Variants in MAP2K5 observed in about 807,000 individuals in gnomAD.
The protein encoded by MAP2K5 is dual specificity mitogen-activated protein kinase kinase 5.
A neutral mutation model predicts 83.1 loss-of-function variants in MAP2K5; 49 were observed. That is an observed-to-expected ratio of 0.59 (90% CI 0.47 to 0.75). The LOEUF is 0.75. MAP2K5 is among the 30% of genes least tolerant of loss of function. MAP2K5 has a pLI of 0.00. For synonymous variants in MAP2K5, 202 were observed against 191.8 expected, an observed-to-expected ratio of 1.05 and a Z score of -0.44; for missense variants, 457 against 557.5, an observed-to-expected ratio of 0.82 and a Z score of 1.82.
Position 67,561,199 on chromosome 15 carries a change from A to G in MAP2K5, c.185-2084A>G, listed in dbSNP as rs2084729563. On this transcript the variant is annotated intron_variant, in intron 2 of 21. Coordinates refer to ENST00000178640, the MANE Select transcript of MAP2K5 (RefSeq NM_145160.3). This position sits in a 1 kb window ranked among gnomAD's most constrained non-coding sequence, Gnocchi z 4.2. Reference sequence around the variant, plus strand: ...TTTAAAGAGAATTTGACCTGGTTTTAAAGCAAAAATGTAAAGTGCTTTCAT... The same window carrying G: ...TTTAAAGAGAATTTGACCTGGTTTTGAAGCAAAAATGTAAAGTGCTTTCAT... Among the ~76,000 whole-genome samples, 1 of 152,232 alleles carries G rather than the reference A, an allele frequency of 6.6e-6. No homozygotes were observed. The highest frequency in any genetic ancestry group is 2.1e-4 in the South Asian group (1 of 4,834).
At chr15:67,726,472 G>A (rs1034427981) in intron 16 of MAP2K5, among the ~76,000 whole-genome samples, 5 of 152,120 alleles carry the variant, frequency 3.3e-5, no homozygotes, top group African/African-American at 7.2e-5. Flanking sequence ...TCCAAGATAA[G>A]GTGCATACTA....
In MAP2K5 at chr15:67,543,353, T is replaced by A; in HGVS notation, c.18T>A (p.Leu6=). The stretch of plus-strand genomic sequence containing the variant: ...AACCTGTAATGCTGTGGCTAGCCCT[T>A]GGCCCCTTTCCTGCCATGGAGAACC... The part of the protein sequence containing the change: MLWLA[L]GPFPAMENQV... The change falls in exon 1 of 22, where the codon CTT becomes CTA. Residue 6 remains leucine (L), a synonymous_variant. Transcript: ENST00000178640. This position sits in a 1 kb window ranked among gnomAD's most constrained non-coding sequence, Gnocchi z 4.3. The A allele has an allele frequency of 6.2e-7, 1 of 1,614,178 alleles. No homozygotes were observed. The highest frequency in any genetic ancestry group is 1.1e-5 in the South Asian group (1 of 91,088).
At chr15:67,641,799 A>G (rs1457840860) in intron 9 of MAP2K5, 1 of 176,888 alleles carries the variant, frequency 5.7e-6, no homozygotes, top group Admixed American at 6.5e-5. Flanking sequence ...GACTCCAAAA[A>G]GAAAATTAGT....
intron 13 of MAP2K5, among the ~76,000 whole-genome samples, chr15:67,686,594 C>T (rs1364651990): frequency 3.4e-5 from 5 of 146,168 alleles, no homozygotes; most frequent in Non-Finnish European, 6.0e-5. Context: ...CAGAGTGAGA[C>T]TGTGTCTCAA....
Position 67,772,694 on chromosome 15 carries a change from C to A in MAP2K5, c.1197-13C>A. 6.5e-7 allele frequency: 1 copy of A among 1,539,486 alleles called. No homozygotes were observed. The highest frequency in any genetic ancestry group is 1.3e-5 in the South Asian group (1 of 77,580). On this transcript the variant is annotated splice_polypyrimidine_tract_variant and intron_variant, in intron 20 of 21. Coordinates refer to ENST00000178640, the MANE Select transcript of MAP2K5 (RefSeq NM_145160.3). The stretch of plus-strand genomic sequence containing the variant: ...CACAGATAACATAAGGGGTTTTTTT[C>A]TCTCCACTATAGTATGCGAAAACAG...
Position 67,747,906 on chromosome 15 carries a change from G to A in MAP2K5, c.1075-325G>A, listed in dbSNP as rs1351892436. On this transcript the variant is annotated intron_variant, in intron 17 of 21. Transcript: ENST00000178640. This position sits in a 1 kb window ranked among gnomAD's most constrained non-coding sequence, Gnocchi z 4.1. ...ACATTAGCAATGATTGCAACATTAAGCCCAGTGTTCACAATCTAGCAATAT... is the reference window on the plus strand; with the variant it reads ...ACATTAGCAATGATTGCAACATTAAACCCAGTGTTCACAATCTAGCAATAT... Among the ~76,000 whole-genome samples the A allele has an allele frequency of 1.3e-5, 2 of 152,150 alleles. No individual in the cohort carries two copies. The highest frequency in any genetic ancestry group is 4.8e-5 in the African/African-American group (2 of 41,432).
chr15:67,799,325 C>G (rs138584859), intron 21 of MAP2K5, among the ~76,000 whole-genome samples: 6 of 152,382 alleles, frequency 3.9e-5, no homozygotes, highest in East Asian at 1.9e-4. Flanking sequence ...AGCACCTCCT[C>G]TCACCCCTGT....
chr15:67,580,420 A>G (rs1406871338), intron 3 of MAP2K5, among the ~76,000 whole-genome samples: 3 of 152,218 alleles, frequency 2.0e-5, no homozygotes, highest in African/African-American at 7.2e-5. Context: ...ATCCAGGGAA[A>G]AAGAGCAAGA....
chr15:67,633,244 A>G (rs1265407547), intron 9 of MAP2K5, among the ~76,000 whole-genome samples: 2 of 152,060 alleles, frequency 1.3e-5, no homozygotes, highest in Admixed American at 1.3e-4. Context: ...CTTGAGCACT[A>G]TTTTCCCATC....
chr15:67,632,770 T>C (rs1379484212), intron 9 of MAP2K5, among the ~76,000 whole-genome samples: 1 of 152,212 alleles, frequency 6.6e-6, no homozygotes. Context: ...GCAATTACAT[T>C]AGAATTGCTT....
At chr15:67,560,954 C>T (rs906394150) in intron 2 of MAP2K5, among the ~76,000 whole-genome samples, 4 of 152,018 alleles carry the variant, frequency 2.6e-5, no homozygotes, top group African/African-American at 9.7e-5. Context: ...ACTCGTTTTA[C>T]CAAAATATAA....
intron 13 of MAP2K5, among the ~76,000 whole-genome samples, chr15:67,691,222 T>C (rs1189827773): frequency 3.9e-5 from 6 of 152,118 alleles, no homozygotes; most frequent in Admixed American, 6.6e-5. Flanking sequence ...GGGCTGGGAG[T>C]ACAGTAGTCA....
chr15:67,692,441 T>C (rs1281798971), intron 13 of MAP2K5, 38 bp from the exon 14 acceptor site: 3 of 1,452,222 alleles, frequency 2.1e-6, no homozygotes. Context: ...TGTAGATACA[T>C]GGAATTAGTT....
At chr15:67,765,143 G>A (rs1009936360) in intron 19 of MAP2K5, among the ~76,000 whole-genome samples, 4 of 152,300 alleles carry the variant, frequency 2.6e-5, no homozygotes, top group South Asian at 2.1e-4. Flanking sequence ...AGTGGATCAC[G>A]AGGTCAAGAG....
At chr15:67,655,839 C>G (rs534580920) in intron 11 of MAP2K5, among the ~76,000 whole-genome samples, 54 of 152,226 alleles carry the variant, frequency 3.5e-4, no homozygotes, top group African/African-American at 1.3e-3. Flanking sequence ...TTCTGATCTC[C>G]CATTAAGCAT....
At position 67,563,445 on chromosome 15, in the gene MAP2K5, A is replaced by G; in HGVS notation, c.252+95A>G. 2.1e-6 allele frequency: 3 copies of G among 1,447,472 alleles called. No homozygotes were observed. Among genetic ancestry groups the G allele is most frequent in the Non-Finnish European group, 2.8e-6 (3 of 1,083,958 alleles). The allele number at this position is 1,447,472 out of a possible 1,614,324, so 89.7% of individuals were successfully genotyped here. A position where few individuals can be genotyped will look rare whatever the true frequency, so the allele number is the denominator to read the frequency against. Reference sequence around the variant, plus strand: ...TAGTGAAGACGAGTAAATAAATCACAGTTGTCATACATTTTTCTATATAAT... The same window carrying G: ...TAGTGAAGACGAGTAAATAAATCACGGTTGTCATACATTTTTCTATATAAT... On this transcript the variant is annotated intron_variant, in intron 3 of 21. Coordinates refer to ENST00000178640, the MANE Select transcript of MAP2K5 (RefSeq NM_145160.3). This position sits in a 1 kb window ranked among gnomAD's most constrained non-coding sequence, Gnocchi z 4.5.
intron 8 of MAP2K5, among the ~76,000 whole-genome samples, chr15:67,616,249 C>A (rs2086052401): frequency 1.3e-5 from 2 of 152,048 alleles, no homozygotes; most frequent in South Asian, 2.1e-4. Context: ...AACTGATGAT[C>A]CTACAGTATA....
rs1222380857 is a variant in MAP2K5 at position 67,802,270 on chromosome 15, A to T, written c.1243-4376A>T. On this transcript the variant is annotated intron_variant, in intron 21 of 21. Coordinates refer to ENST00000178640, the MANE Select transcript of MAP2K5 (RefSeq NM_145160.3). This position sits in a 1 kb window ranked among gnomAD's most constrained non-coding sequence, Gnocchi z 5.0. The stretch of plus-strand genomic sequence containing the variant: ...AGGGAGCGGTGAGCAACCACAATTC[A>T]TCTTCATGAGAGGGAGCGGTGAGCA... Among the ~76,000 whole-genome samples, 3 of 148,820 alleles carry T rather than the reference A, an allele frequency of 2.0e-5. No individual in the cohort carries two copies. The highest frequency in any genetic ancestry group is 2.9e-5 in the Non-Finnish European group (2 of 67,998).
chr15:67,660,554 A>G (rs1173438588), intron 12 of MAP2K5, among the ~76,000 whole-genome samples: 1 of 152,174 alleles, frequency 6.6e-6, no homozygotes, highest in African/African-American at 2.4e-5. Context: ...ATGGAGGCCA[A>G]GAAAACACAA....
Sources: gnomAD v4.1 joint callset for allele counts (sites outside exome capture counted in the v4.1 genomes callset) on GRCh38, gnomAD v4.1.1 for gene constraint, Gnocchi (gnomAD v3.1) non-coding constraint, MANE v1.5 for transcripts, NCBI Gene and HGNC (gene_info 2026-07-23, HGNC 2026-07-21) for gene names.